The following TENM2 variants were observed in gnomAD, a reference collection of about 807,000 sequenced individuals.
TENM2 encodes teneurin transmembrane protein 2, also known as teneurin-2.
A neutral mutation model predicts 245.2 loss-of-function variants in TENM2; 52 were observed. The observed-to-expected ratio is 0.21, with a 90% confidence interval of 0.17 to 0.27. The LOEUF (loss-of-function observed/expected upper bound fraction) is 0.27. TENM2 is among the 10% of genes least tolerant of loss of function. The probability of loss-of-function intolerance (pLI) is 1.00; values close to 1 mark genes in which losing one functional copy is unlikely to be tolerated. For missense variants in TENM2, 3,046 were observed against 3,666.8 expected (o/e 0.83, Z 4.37); for synonymous variants, 1,363 against 1,438.9 (o/e 0.95, Z 1.19).
At chr5:168,123,778 C>T (rs1269930344) in intron 10 of TENM2, among the ~76,000 whole-genome samples, 3 of 152,326 alleles carry the variant, frequency 2.0e-5, no homozygotes, top group South Asian at 2.1e-4. Context: ...TGTGCTAGAC[C>T]ACCATTTCTC....
rs188944685 is a variant in TENM2, at chr5:168,214,840, A to G, written c.3846-200A>G. 3.2e-3 allele frequency: 2,173 copies of G among 675,576 alleles called. 14 individuals are homozygous for G. Among genetic ancestry groups the G allele is most frequent in the Non-Finnish European group, 3.7e-3 (1,370 of 368,110 alleles). 41.8% of individuals were successfully genotyped at this position (675,576 alleles called of 1,614,324 possible). On this transcript the variant is annotated intron_variant, in intron 20 of 28. Transcript: ENST00000518659. ...GAAATGAATTTTCTAATAGCATAAGAAGCATAAGTCCAATTAGAAGTAGCT... is the reference window on the plus strand; with the variant it reads ...GAAATGAATTTTCTAATAGCATAAGGAGCATAAGTCCAATTAGAAGTAGCT...
At chr5:167,621,748 T>G (rs1473092217) in intron 2 of TENM2, among the ~76,000 whole-genome samples, 1 of 152,160 alleles carries the variant, frequency 6.6e-6, no homozygotes, top group Non-Finnish European at 1.5e-5. Context: ...TAAACTGAGC[T>G]GGGTTGTGTC....
At chr5:167,623,185 C>T (rs1012266575) in intron 2 of TENM2, among the ~76,000 whole-genome samples, 2 of 151,792 alleles carry the variant, frequency 1.3e-5, no homozygotes, top group East Asian at 3.9e-4. Context: ...GAATGTAGAT[C>T]ATTGAATAAG....
At chr5:167,492,478 C>A (rs982149694) in intron 2 of TENM2, among the ~76,000 whole-genome samples, 1 of 152,054 alleles carries the variant, frequency 6.6e-6, no homozygotes, top group African/African-American at 2.4e-5. Flanking sequence ...TGTTAGCATT[C>A]ATTAAATAAT....
chr5:167,769,759 G>A (rs1763278759), intron 2 of TENM2, among the ~76,000 whole-genome samples: 2 of 152,134 alleles, frequency 1.3e-5, no homozygotes, highest in Non-Finnish European at 2.9e-5. Context: ...GCAGAGAAAT[G>A]ATCAAACTTG....
At chr5:167,121,787 C>A in the TENM2 span, among the ~76,000 whole-genome samples, 239 of 152,290 alleles carry the variant, frequency 1.6e-3, no homozygotes, top group Non-Finnish European at 2.8e-3. Context: ...CAAAAACTTT[C>A]CTCTGTATAG....
At chr5:167,704,764 T>C (rs976157748) in intron 2 of TENM2, among the ~76,000 whole-genome samples, 3 of 152,186 alleles carry the variant, frequency 2.0e-5, no homozygotes, top group African/African-American at 7.2e-5. Flanking sequence ...CCCTTTTTAC[T>C]TGAGTACTTT....
chr5:168,068,398 C>A (rs552182136), intron 7 of TENM2, among the ~76,000 whole-genome samples: 96 of 152,152 alleles, frequency 6.3e-4, no homozygotes, highest in African/African-American at 2.2e-3. Flanking sequence ...AAGCAAAGGA[C>A]CTTTATCCTC....
the TENM2 span, among the ~76,000 whole-genome samples, chr5:167,112,600 T>C: frequency 1.3e-5 from 2 of 152,120 alleles, no homozygotes; most frequent in African/African-American, 4.8e-5. Flanking sequence ...AAGAGAAAAA[T>C]AGGAGACTAA....
chr5:167,560,772 A>G (rs754067159), intron 2 of TENM2, among the ~76,000 whole-genome samples: 25 of 152,232 alleles, frequency 1.6e-4, no homozygotes, highest in Admixed American at 9.2e-4. Flanking sequence ...AGTAGGTTCT[A>G]TACTATATCA....
chr5:167,534,021 AGT>A (rs1771692382), intron 2 of TENM2, among the ~76,000 whole-genome samples: 2 of 152,160 alleles, frequency 1.3e-5, no homozygotes, highest in South Asian at 4.1e-4. Context: ...TGAGTCACTG[AGT>A]GTGTGTCCAT....
intron 1 of TENM2, among the ~76,000 whole-genome samples, chr5:167,304,647 ATTGT>A (rs143481655): frequency 0.018 from 2,711 of 151,376 alleles, 74 homozygotes; most frequent in African/African-American, 0.061. Context: ...TGCTTTTTGG[ATTGT>A]TTGTTTGTTT....
intron 2 of TENM2, among the ~76,000 whole-genome samples, chr5:167,638,626 G>C (rs1582618632): frequency 6.6e-6 from 1 of 152,328 alleles, no homozygotes; most frequent in East Asian, 1.9e-4. Context: ...AAATTAACAA[G>C]CATATAGATA....
chr5:167,676,575 C>A (rs1259591956), intron 2 of TENM2, among the ~76,000 whole-genome samples: 2 of 152,008 alleles, frequency 1.3e-5, no homozygotes, highest in African/African-American at 4.8e-5. Flanking sequence ...TTTGTGTCTG[C>A]CCCAGAGAAG....
At chr5:167,028,383 CA>C in the TENM2 span, among the ~76,000 whole-genome samples, 1 of 152,006 alleles carries the variant, frequency 6.6e-6, no homozygotes, top group African/African-American at 2.4e-5. Flanking sequence ...TAAGGATATA[CA>C]TATACATTAT....
chr5:168,199,793 C>G, intron 16 of TENM2, 71 bp from the exon 19 acceptor site: 2 of 1,503,126 alleles, frequency 1.3e-6, no homozygotes, highest in Non-Finnish European at 1.8e-6. Flanking sequence ...AGCAGACAGA[C>G]AGTATCGGGG....
At chr5:167,153,321 ATAAAG>A in the TENM2 span, among the ~76,000 whole-genome samples, 3 of 152,140 alleles carry the variant, frequency 2.0e-5, no homozygotes, top group African/African-American at 7.2e-5. Context: ...TATTCTTACT[ATAAAG>A]TAAAGTAAGC....
rs1175988469 is a variant in TENM2 at position 167,650,308 on chromosome 5, A to T, written c.503-225678A>T. ...TTTTCTAATTAGGTTCTTCACATTT[A>T]TGAAGTTGTTTGATGGGGTGTCGGT... On this transcript the variant is annotated intron_variant, in intron 2 of 28. Coordinates refer to ENST00000518659, the Ensembl canonical transcript of TENM2. 2.6e-5 allele frequency among the ~76,000 whole-genome samples: 4 copies of T among 152,282 alleles called. No homozygotes were observed. The East Asian group carries it at 7.7e-4, about 29-fold the overall frequency.
intron 2 of TENM2, among the ~76,000 whole-genome samples, chr5:167,677,702 T>C (rs1376069779): frequency 6.7e-6 from 1 of 149,406 alleles, no homozygotes; most frequent in Non-Finnish European, 1.5e-5. Context: ...TATATTTTAA[T>C]GATATTTATA....
Sources: allele counts gnomAD v4.1 joint callset (sites outside exome capture counted in the v4.1 genomes callset), GRCh38; gene constraint gnomAD v4.1.1; transcripts MANE v1.5; gene names NCBI Gene and HGNC (gene_info 2026-07-23, HGNC 2026-07-21).